IFT122: variants seen among roughly 807,000 people sequenced by gnomAD.
IFT122 encodes the protein intraflagellar transport protein 122 homolog.
Under a neutral mutation model 161.6 loss-of-function variants are expected in IFT122, and 118 were observed. The ratio of observed to expected loss-of-function variants is 0.73; its 90% CI spans 0.63 to 0.85. IFT122 has a LOEUF of 0.85. IFT122 is among the 40% of genes least tolerant of loss of function. The pLI, the probability that IFT122 is intolerant of heterozygous loss-of-function variation, is 0.00. For synonymous variants in IFT122, 550 were observed against 602.4 expected, an observed-to-expected ratio of 0.91 and a Z score of 1.27; for missense variants, 1,381 against 1,579.6, an observed-to-expected ratio of 0.87 and a Z score of 2.13.
rs2074821729 is a variant in IFT122 at position 129,451,330 on chromosome 3, C to T, written c.109-584C>T. On this transcript the variant is annotated intron_variant, in intron 2 of 29. Transcript: ENST00000348417. ...TAGAGATGGGGTTTCACTTAGTTGC[C>T]CAAGCTGGTCTTGAACTCCTGGTTT... Among the ~76,000 whole-genome samples, 10 of 151,482 alleles carry T rather than the reference C, an allele frequency of 6.6e-5. No homozygotes were observed. In the South Asian group the frequency reaches 2.1e-3, roughly 32 times the overall value.
chr3:129,508,809 G>A (rs965468559), intron 23 of IFT122, among the ~76,000 whole-genome samples: 1 of 74,884 alleles, frequency 1.3e-5, no homozygotes, highest in Non-Finnish European at 2.1e-5. Flanking sequence ...TGAATATTGC[G>A]ATGAGGCAAA....
intron 26 of IFT122, among the ~76,000 whole-genome samples, chr3:129,516,230 C>CAG (rs2083544375): frequency 7.2e-6 from 1 of 138,542 alleles, no homozygotes; most frequent in South Asian, 2.4e-4. Context: ...CACACACACA[C>CAG]AGACTGCCCC....
In IFT122 at chr3:129,476,651, C is replaced by G. The variant is rs1236315973; in HGVS notation, c.1009-12C>G. ...CAGAGAGCTGGGAATTGACAGTTCT[C>G]TCACCCCGCAGGTGGTCGGCTGCCA... On this transcript the variant is annotated splice_polypyrimidine_tract_variant and intron_variant, in intron 10 of 29. Coordinates refer to ENST00000348417, the MANE Select transcript of IFT122 (RefSeq NM_052989.3). 6.2e-7 allele frequency: 1 copy of G among 1,614,084 alleles called. No homozygotes were observed. Among genetic ancestry groups the G allele is most frequent in the African/African-American group, 1.3e-5 (1 of 74,932 alleles).
chr3:129,516,230 C>CACAGAG, intron 26 of IFT122, among the ~76,000 whole-genome samples: 1 of 138,618 alleles, frequency 7.2e-6, no homozygotes, highest in Non-Finnish European at 1.6e-5. Flanking sequence ...CACACACACA[C>CACAGAG]AGACTGCCCC....
At chr3:129,518,934 C>G (rs555082088) in intron 27 of IFT122, among the ~76,000 whole-genome samples, 173 bp from the exon 28 acceptor site, 4 of 152,196 alleles carry the variant, frequency 2.6e-5, no homozygotes, top group Admixed American at 6.5e-5. Flanking sequence ...GGCAGCAGGG[C>G]CAGCAGAGTC....
chr3:129,498,825 A>G (rs2108510573), intron 18 of IFT122, among the ~76,000 whole-genome samples: 1 of 152,306 alleles, frequency 6.6e-6, no homozygotes, highest in African/African-American at 2.4e-5. Context: ...CTTACCAGTA[A>G]CATAGACCTG....
rs545065827 is a variant in IFT122, at chr3:129,483,134, A to G, written c.1654-351A>G. Among the ~76,000 whole-genome samples, 127 of 152,210 alleles carry G rather than the reference A, an allele frequency of 8.3e-4. 1 individual carries two copies. Among genetic ancestry groups the G allele is most frequent in the Non-Finnish European group, 1.6e-3 (110 of 68,016 alleles). The stretch of plus-strand genomic sequence containing the variant: ...CTCTACACATAAAACAGCTATATTG[A>G]TTTTTTCTCATTATAAAAAACAATC... On this transcript the variant is annotated intron_variant, in intron 14 of 29. Transcript: ENST00000348417.
At chr3:129,451,367 C>T (rs1019292293) in intron 2 of IFT122, among the ~76,000 whole-genome samples, 15 of 152,094 alleles carry the variant, frequency 9.9e-5, no homozygotes, top group African/African-American at 3.4e-4. Context: ...AAGCAATCCT[C>T]CCACTTCAGC....
At chr3:129,488,061 A>C in intron 15 of IFT122, 196 bp from the exon 16 acceptor site, 1 of 776,630 alleles carries the variant, frequency 1.3e-6, no homozygotes, top group Admixed American at 2.2e-5. Context: ...ACAGTAGCCC[A>C]GTCATGAGAG....
intron 9 of IFT122, among the ~76,000 whole-genome samples, chr3:129,472,461 G>C (rs1157325529): frequency 6.6e-6 from 1 of 151,816 alleles, no homozygotes; most frequent in Non-Finnish European, 1.5e-5. Context: ...CACCATATCT[G>C]GCCTACTTCT....
chr3:129,483,278 A>C (rs1185818026), intron 14 of IFT122, among the ~76,000 whole-genome samples: 1 of 152,150 alleles, frequency 6.6e-6, no homozygotes, highest in African/African-American at 2.4e-5. Flanking sequence ...AATTCCAACA[A>C]CACGCAGGTG....
intron 28 of IFT122, 26 bp downstream of exon 28, chr3:129,519,212 G>A (rs1373420766): frequency 6.3e-7 from 1 of 1,583,322 alleles, no homozygotes; most frequent in East Asian, 2.2e-5. Context: ...TGGGTGACCT[G>A]CAGGAGGGCA....
intron 9 of IFT122, among the ~76,000 whole-genome samples, chr3:129,474,424 A>G (rs558179879): frequency 6.6e-6 from 1 of 152,348 alleles, no homozygotes; most frequent in East Asian, 1.9e-4. Context: ...AAAAAACTCC[A>G]GTGGTAATAA....
intron 11 of IFT122, 117 bp from the exon 12 acceptor site, chr3:129,477,899 T>G: frequency 2.4e-6 from 2 of 828,632 alleles, no homozygotes; most frequent in Non-Finnish European, 4.0e-6. Context: ...GATTTTTCAA[T>G]GAGAGTATCT....
intron 18 of IFT122, 126 bp from the exon 19 acceptor site, chr3:129,499,776 C>T (rs1186753244): frequency 8.9e-7 from 1 of 1,117,390 alleles, no homozygotes; most frequent in East Asian, 2.4e-5. Context: ...CAGGGCCGGG[C>T]CCTGCCTACC....
At chr3:129,513,552 T>G (rs527928616) in intron 24 of IFT122, 1 of 154,062 alleles carries the variant, frequency 6.5e-6, no homozygotes, top group African/African-American at 2.4e-5. Flanking sequence ...GCTGAGCACC[T>G]GTACTCATCC....
rs2081726668 is a variant in IFT122, at chr3:129,502,747, G to A, written c.2412G>A (p.Glu804=). 1.2e-6 allele frequency: 2 copies of A among 1,610,904 alleles called. No homozygotes were observed. The highest frequency in any genetic ancestry group is 2.2e-5 in the South Asian group (2 of 91,096). Residue 804 remains glutamate (E), a synonymous_variant, in exon 20 of 30, where the codon GAG becomes GAA. Transcript: ENST00000348417. ...TCGCCCGCAAACTGGACAAGGCTGA[G>A]CGCGAGCCCCTGCTGCTGTGCGCTA... The part of the protein sequence containing the change: ...IDIARKLDKA[E]REPLLLCATY...
At chr3:129,473,725 C>T (rs564812792) in intron 9 of IFT122, among the ~76,000 whole-genome samples, 7 of 152,300 alleles carry the variant, frequency 4.6e-5, no homozygotes, top group Admixed American at 2.0e-4. Context: ...CTTCACTTTC[C>T]GGGTGCTGTG....
intron 13 of IFT122, among the ~76,000 whole-genome samples, chr3:129,480,651 C>T (rs1008757649): frequency 3.3e-5 from 5 of 151,996 alleles, no homozygotes; most frequent in East Asian, 1.9e-4. Flanking sequence ...GAGGAAGGGC[C>T]GCTTATTTCT....
Sources: allele counts gnomAD v4.1 joint callset (sites outside exome capture counted in the v4.1 genomes callset), GRCh38; gene constraint gnomAD v4.1.1; transcripts MANE v1.5; gene names NCBI Gene and HGNC (gene_info 2026-07-23, HGNC 2026-07-21).